ACTR3C: variants seen among roughly 807,000 people sequenced by gnomAD.
The protein encoded by ACTR3C is actin related protein 3C, also known as actin-related protein 3C.
Under a neutral mutation model 26.3 loss-of-function variants are expected in ACTR3C, and 18 were observed. The observed-to-expected ratio is 0.68, with a 90% CI of 0.47 to 1.01. The LOEUF (loss-of-function observed/expected upper bound fraction) is 1.01. ACTR3C is among the 50% of genes least tolerant of loss of function. The pLI is 0.00. For missense variants in ACTR3C, 184 were observed against 250.7 expected, an observed-to-expected ratio of 0.73 and a Z score of 1.80; for synonymous variants, 55 against 94.5, an observed-to-expected ratio of 0.58 and a Z score of 2.42.
the ACTR3C span, among the ~76,000 whole-genome samples, chr7:150,095,988 G>C: frequency 6.8e-6 from 1 of 147,802 alleles, no homozygotes; most frequent in African/African-American, 2.6e-5. Context: ...CCTCCCTCTC[G>C]AAGGCAATCT....
chr7:149,884,755 G>T, the ACTR3C span, among the ~76,000 whole-genome samples: 335 of 152,350 alleles, frequency 2.2e-3, 1 homozygote, highest in Admixed American at 4.5e-3. Context: ...CAGGGCCAGA[G>T]TTTGGGAATC....
At chr7:149,897,732 G>T in the ACTR3C span, among the ~76,000 whole-genome samples, 154 of 152,340 alleles carry the variant, frequency 1.0e-3, 2 homozygotes, top group African/African-American at 3.5e-3. Context: ...ACAAAAATTA[G>T]CTGGGCGTGG....
At chr7:150,186,717 G>A in the ACTR3C span, among the ~76,000 whole-genome samples, 1 of 152,082 alleles carries the variant, frequency 6.6e-6, no homozygotes. Context: ...TTAGAGCTTT[G>A]CCCAAGTACG....
the ACTR3C span, among the ~76,000 whole-genome samples, chr7:150,043,203 C>G: frequency 1.3e-5 from 2 of 150,802 alleles, no homozygotes; most frequent in Non-Finnish European, 3.0e-5. Context: ...AAGATTTGAG[C>G]TTTCTTCTTG....
chr7:150,081,053 G>A, the ACTR3C span, among the ~76,000 whole-genome samples: 1 of 152,180 alleles, frequency 6.6e-6, no homozygotes, highest in Non-Finnish European at 1.5e-5. Context: ...CTTTGTATGT[G>A]CTCCTTGCTT....
the ACTR3C span, among the ~76,000 whole-genome samples, chr7:150,135,057 G>T: frequency 1.3e-5 from 2 of 152,220 alleles, no homozygotes; most frequent in East Asian, 3.9e-4. Context: ...GCCTCGCAAA[G>T]TGCTGGGATT....
At chr7:150,082,951 T>A in the ACTR3C span, among the ~76,000 whole-genome samples, 1 of 140,522 alleles carries the variant, frequency 7.1e-6, no homozygotes, top group African/African-American at 2.8e-5. Context: ...TTTTTTCTTT[T>A]TTTTTTTTTT....
chr7:149,936,784 A>AT, the ACTR3C span, among the ~76,000 whole-genome samples: 1 of 152,072 alleles, frequency 6.6e-6, no homozygotes, highest in South Asian at 2.1e-4. Flanking sequence ...GATGTATTTT[A>AT]TTTTATTTTT....
At chr7:150,079,962 C>T in the ACTR3C span, among the ~76,000 whole-genome samples, 310 of 152,304 alleles carry the variant, frequency 2.0e-3, 1 homozygote, top group African/African-American at 7.2e-3. Context: ...AATTTGAGCT[C>T]ACTGAGGTCA....
chr7:149,917,021 G>C, the ACTR3C span, among the ~76,000 whole-genome samples: 1 of 151,830 alleles, frequency 6.6e-6, no homozygotes, highest in East Asian at 1.9e-4. Context: ...CTATTCCTGT[G>C]TATCTTTCCG....
the ACTR3C span, among the ~76,000 whole-genome samples, chr7:150,151,612 G>A: frequency 7.4e-6 from 1 of 134,892 alleles, no homozygotes; most frequent in Non-Finnish European, 1.6e-5. Flanking sequence ...CTAACTTCTT[G>A]GGAGTTTGTG....
the ACTR3C span, among the ~76,000 whole-genome samples, chr7:149,911,872 A>G: frequency 2.0e-5 from 3 of 152,070 alleles, no homozygotes; most frequent in Non-Finnish European, 4.4e-5. Context: ...TACTTTACCT[A>G]TCTGTATGTC....
the ACTR3C span, among the ~76,000 whole-genome samples, chr7:149,995,124 G>T: frequency 6.6e-6 from 1 of 152,156 alleles, no homozygotes; most frequent in Admixed American, 6.5e-5. Flanking sequence ...CAGAGGGCTG[G>T]GATTACAGGC....
the ACTR3C span, among the ~76,000 whole-genome samples, chr7:149,895,375 A>G: frequency 6.7e-6 from 1 of 149,638 alleles, no homozygotes; most frequent in Admixed American, 6.6e-5. Context: ...TTCTTAAAAA[A>G]TGTAGAGTAC....
At chr7:150,071,179 A>T in the ACTR3C span, among the ~76,000 whole-genome samples, 13 of 151,254 alleles carry the variant, frequency 8.6e-5, no homozygotes, top group Non-Finnish European at 1.8e-4. Flanking sequence ...GCTGGAGTAC[A>T]GTGGTGCGAT....
chr7:150,206,654 T>A, the ACTR3C span, among the ~76,000 whole-genome samples: 1 of 152,084 alleles, frequency 6.6e-6, no homozygotes, highest in African/African-American at 2.4e-5. Flanking sequence ...ATTCCTGACC[T>A]CAGGTGATCC....
the ACTR3C span, among the ~76,000 whole-genome samples, chr7:149,896,060 A>T: frequency 6.8e-6 from 1 of 146,712 alleles, no homozygotes; most frequent in Non-Finnish European, 1.5e-5. Flanking sequence ...AAAAAAACAC[A>T]AAAACTAGCC....
At chr7:150,164,972 C>T in the ACTR3C span, among the ~76,000 whole-genome samples, 4,032 of 152,228 alleles carry the variant, frequency 0.026, 185 homozygotes, top group African/African-American at 0.092. Context: ...CCTGGGGCCC[C>T]CTCTGTGGCG....
the ACTR3C span, among the ~76,000 whole-genome samples, chr7:150,210,343 G>C: frequency 6.6e-6 from 1 of 151,004 alleles, no homozygotes; most frequent in African/African-American, 2.5e-5. Context: ...TATGCCTACT[G>C]TATGATCTAG....
Sources: gnomAD v4.1 joint callset for allele counts (sites outside exome capture counted in the v4.1 genomes callset) on GRCh38, gnomAD v4.1.1 for gene constraint, MANE v1.5 for transcripts, NCBI Gene and HGNC (gene_info 2026-07-23, HGNC 2026-07-21) for gene names.